Variants in PHYH observed in about 807,000 individuals in gnomAD.
PHYH encodes phytanoyl-CoA dioxygenase, peroxisomal.
A neutral mutation model predicts 38.5 loss-of-function variants in PHYH; 32 were observed. That is an observed-to-expected ratio of 0.83 (90% CI 0.63 to 1.12). The LOEUF (loss-of-function observed/expected upper bound fraction) is 1.12, where lower values mean the gene tolerates loss of function less well. PHYH is among the 50% of genes most tolerant of loss of function. The pLI is 0.00. For synonymous variants in PHYH, 166 were observed against 157.9 expected (o/e 1.05, Z -0.38); for missense variants, 426 against 434.8 (o/e 0.98, Z 0.18).
chr10:13,299,967 C>G lies in PHYH; in HGVS notation c.75+1G>C. 2.6e-6 allele frequency: 4 copies of G among 1,529,866 alleles called. No homozygotes were observed. The highest frequency in any genetic ancestry group is 3.5e-6 in the Non-Finnish European group (4 of 1,143,662). The allele number at this position is 1,529,866 out of a possible 1,614,324, so 94.8% of individuals were successfully genotyped here. On this transcript the variant is annotated splice_donor_variant, in intron 1 of 8. Transcript: ENST00000263038. LOFTEE classifies it high-confidence loss of function. ...CGAGCCCCGCGCAGCCCAAAGGATA[C>G]GACAGCCCCGGCCGAGGGGCGGCCG...
rs1307667521 is a variant in PHYH at position 13,278,113 on chromosome 10, T to G, written c.*188A>C. On this transcript the variant is annotated 3_prime_UTR_variant, in exon 9 of 9. Coordinates refer to ENST00000263038, the MANE Select transcript of PHYH (RefSeq NM_006214.4). Reference sequence around the variant, plus strand: ...AACAGTAATATTTCACTTTTACTGTTTTTTTTTTCCATTAAAGCAACACCA... The same window carrying G: ...AACAGTAATATTTCACTTTTACTGTGTTTTTTTTCCATTAAAGCAACACCA... 24 of 446,890 alleles carry G rather than the reference T, an allele frequency of 5.4e-5. No homozygotes were observed. Among genetic ancestry groups the G allele is most frequent in the Middle Eastern group, 1.0e-3 (2 of 1,932 alleles). The allele number at this position is 446,890 out of a possible 1,614,324, so 27.7% of individuals were successfully genotyped here. A position where few individuals can be genotyped will look rare whatever the true frequency, so the allele number is the denominator to read the frequency against.
At chr10:13,286,308 A>G (rs1564422753) in intron 6 of PHYH, among the ~76,000 whole-genome samples, 1 of 152,036 alleles carries the variant, frequency 6.6e-6, no homozygotes, top group Non-Finnish European at 1.5e-5. Context: ...TGATCCCATC[A>G]CTCATGAGCT....
intron 3 of PHYH, chr10:13,294,959 C>T: frequency 5.8e-6 from 2 of 343,258 alleles, no homozygotes; most frequent in Non-Finnish European, 1.1e-5. Context: ...GACATAAGTG[C>T]TATTATTATC....
In PHYH at chr10:13,278,111, GTT is replaced by G. The variant is rs3839912; in HGVS notation, c.*188_*189del. 175 of 531,838 alleles carry G rather than the reference GTT, an allele frequency of 3.3e-4. No homozygotes were observed. The highest frequency in any genetic ancestry group is 5.1e-4 in the Middle Eastern group (1 of 1,964). 32.9% of individuals were successfully genotyped at this position (531,838 alleles called of 1,614,324 possible). The stretch of plus-strand genomic sequence containing the variant: ...AAAACAGTAATATTTCACTTTTACT[GTT>G]TTTTTTTTCCATTAAAGCAACACCA... On this transcript the variant is annotated 3_prime_UTR_variant, in exon 9 of 9. Transcript: ENST00000263038.
intron 2 of PHYH, among the ~76,000 whole-genome samples, chr10:13,296,816 A>G (rs532593): frequency 6.6e-6 from 1 of 151,568 alleles, no homozygotes; most frequent in Non-Finnish European, 1.5e-5. Context: ...TTAGCCCGGC[A>G]TGGTGTCTGG....
At chr10:13,296,613 T>C (rs1312722406) in intron 2 of PHYH, among the ~76,000 whole-genome samples, 1 of 144,872 alleles carries the variant, frequency 6.9e-6, no homozygotes, top group East Asian at 2.1e-4. Context: ...AATTAACTAG[T>C]GACACTATGT....
chr10:13,280,774 G>A (rs552423608), intron 8 of PHYH, among the ~76,000 whole-genome samples: 1 of 152,278 alleles, frequency 6.6e-6, no homozygotes, highest in East Asian at 1.9e-4. Context: ...GAAGCAGCAG[G>A]AAGTTCTCAA....
intron 2 of PHYH, among the ~76,000 whole-genome samples, chr10:13,297,757 C>T (rs758490545): frequency 5.3e-5 from 8 of 151,322 alleles, no homozygotes; most frequent in South Asian, 2.1e-4. Flanking sequence ...CCACGGTGCC[C>T]GGCCACAAGT....
rs1216076269 is a variant in PHYH, at chr10:13,278,219, T to C, written c.*82A>G. ...TTAACAAGTGATAGAAAAGGTTACA[T>C]CATCTCATTAAGAAAACATTTTCCT... On this transcript the variant is annotated 3_prime_UTR_variant, in exon 9 of 9. Coordinates refer to ENST00000263038, the MANE Select transcript of PHYH (RefSeq NM_006214.4). The C allele has an allele frequency of 5.5e-6, 5 of 909,766 alleles. No homozygotes were observed. Among genetic ancestry groups the C allele is most frequent in the Non-Finnish European group, 7.4e-6 (4 of 542,840 alleles). The allele number at this position is 909,766 out of a possible 1,614,324, so 56.4% of individuals were successfully genotyped here.
intron 5 of PHYH, among the ~76,000 whole-genome samples, chr10:13,290,852 T>C (rs540896726): frequency 6.6e-6 from 1 of 152,092 alleles, no homozygotes; most frequent in Non-Finnish European, 1.5e-5. Flanking sequence ...ATCCCAGCAC[T>C]TTGGGAGGCC....
chr10:13,283,169 C>A (rs967562566), intron 7 of PHYH, among the ~76,000 whole-genome samples: 1 of 139,288 alleles, frequency 7.2e-6, no homozygotes, highest in Non-Finnish European at 1.5e-5. Context: ...CTCGCTGTCG[C>A]CCAGGCTGGA....
chr10:13,281,039 G>T lies in PHYH; in HGVS notation c.900C>A (p.Ile300=). 6.2e-7 allele frequency: 1 copy of T among 1,613,942 alleles called. No homozygotes were observed. Among genetic ancestry groups the T allele is most frequent in the Non-Finnish European group, 8.5e-7 (1 of 1,179,840 alleles). ...IDVKGTSQEN[I]EKEVVGIAHK... ...GTGCTATTCCTACAACTTCCTTCTC[G>T]ATGTTTTCTTGACTGGTGCCCTTCA... The change falls in exon 8 of 9, where the codon ATC becomes ATA. Residue 300 remains isoleucine (I), a synonymous_variant. Coordinates refer to ENST00000263038, the MANE Select transcript of PHYH (RefSeq NM_006214.4).
chr10:13,296,768 A>G (rs1463357869), intron 2 of PHYH, among the ~76,000 whole-genome samples: 1 of 150,966 alleles, frequency 6.6e-6, no homozygotes, highest in Non-Finnish European at 1.5e-5. Context: ...CATCCTGGCT[A>G]ACACGGTGAA....
At chr10:13,291,934 A>T in intron 4 of PHYH, 22 bp from the exon 5 acceptor site, 2 of 1,511,768 alleles carry the variant, frequency 1.3e-6, no homozygotes, top group Non-Finnish European at 1.8e-6. Context: ...AAAAAAAAAC[A>T]AAAACAAACC....
intron 8 of PHYH, among the ~76,000 whole-genome samples, chr10:13,279,780 G>A (rs187633641): frequency 3.3e-4 from 51 of 152,272 alleles, no homozygotes; most frequent in Non-Finnish European, 5.7e-4. Flanking sequence ...CAAACATAAT[G>A]TACATATATT....
chr10:13,298,682 C>CAG (rs1201134317), intron 1 of PHYH, among the ~76,000 whole-genome samples: 31 of 149,884 alleles, frequency 2.1e-4, no homozygotes, highest in African/African-American at 7.4e-4. Context: ...GCCTGGGCAA[C>CAG]AGAGAGAGAC....
chr10:13,294,223 A>T (rs1044412240), intron 4 of PHYH, among the ~76,000 whole-genome samples: 6 of 151,760 alleles, frequency 4.0e-5, no homozygotes, highest in African/African-American at 1.5e-4. Flanking sequence ...ACAAAATAAA[A>T]CCCACTGATT....
Position 13,298,235 on chromosome 10 carries a change from G to C in PHYH, c.86C>G (p.Pro29Arg). 3 of 1,603,072 alleles carry C rather than the reference G, an allele frequency of 1.9e-6. No homozygotes were observed. Among genetic ancestry groups the C allele is most frequent in the Non-Finnish European group, 2.6e-6 (3 of 1,170,080 alleles). Reference sequence around the variant, plus strand: ...GGCAGAGGAAATAGTCCCTGAAGTGGGATGAGCTACCTAGGATGTGAATTA... The same window carrying C: ...GGCAGAGGAAATAGTCCCTGAAGTGCGATGAGCTACCTAGGATGTGAATTA... ...RPSAGAVVAHPTSGTISSASF... is the reference protein window; with the variant it reads ...RPSAGAVVAHRTSGTISSASF... The change falls in exon 2 of 9, where the codon CCC becomes CGC. Residue 29 changes from proline to arginine, a missense_variant. Pro to Arg is a moderately radical substitution (Grantham distance 103, BLOSUM62 -2). Coordinates refer to ENST00000263038, the MANE Select transcript of PHYH (RefSeq NM_006214.4).
chr10:13,289,415 T>C (rs1835647331), intron 5 of PHYH, among the ~76,000 whole-genome samples: 1 of 151,914 alleles, frequency 6.6e-6, no homozygotes, highest in Non-Finnish European at 1.5e-5. Flanking sequence ...CAGGATGGTC[T>C]TGATCTCCTG....
Sources: allele counts gnomAD v4.1 joint callset (sites outside exome capture counted in the v4.1 genomes callset), GRCh38; gene constraint gnomAD v4.1.1; transcripts MANE v1.5; gene names NCBI Gene and HGNC (gene_info 2026-07-23, HGNC 2026-07-21).